RALYL: variants seen among roughly 807,000 people sequenced by gnomAD.
The protein encoded by RALYL is RALY RNA binding protein like.
A neutral mutation model predicts 35.1 loss-of-function variants in RALYL; 29 were observed. The observed-to-expected ratio is 0.83, with a 90% confidence interval of 0.61 to 1.13. The LOEUF (loss-of-function observed/expected upper bound fraction) is 1.13. Ranked by LOEUF, RALYL falls within the 50% of genes most tolerant of loss-of-function variation. RALYL has a pLI of 0.00. For missense variants in RALYL, 359 were observed against 360.4 expected, an observed-to-expected ratio of 1.00 and a Z score of 0.03; for synonymous variants, 120 against 127.6, an observed-to-expected ratio of 0.94 and a Z score of 0.40.
intron 1 of RALYL, among the ~76,000 whole-genome samples, chr8:84,295,191 G>A (rs1338943311): frequency 6.6e-6 from 1 of 152,144 alleles, no homozygotes; most frequent in African/African-American, 2.4e-5. Context: ...TTTAAGGCAA[G>A]TCTTTCAAAC....
chr8:84,781,780 G>C (rs528338943), intron 3 of RALYL, among the ~76,000 whole-genome samples: 1 of 152,272 alleles, frequency 6.6e-6, no homozygotes, highest in Non-Finnish European at 1.5e-5. Flanking sequence ...CAGTCACAAA[G>C]TATTACATGA....
chr8:84,876,342 A>G (rs1309538314), intron 7 of RALYL, among the ~76,000 whole-genome samples: 23 of 152,120 alleles, frequency 1.5e-4, no homozygotes, highest in Non-Finnish European at 5.9e-5. Context: ...TGCATGTATT[A>G]TTTTTTCCAT....
intron 8 of RALYL, among the ~76,000 whole-genome samples, chr8:84,909,733 A>G (rs1336663042): frequency 6.6e-6 from 1 of 152,114 alleles, no homozygotes; most frequent in Non-Finnish European, 1.5e-5. Context: ...CACTTCCCTC[A>G]TGGTGCTGGT....
chr8:84,916,678 AGT>A (rs1848533772), intron 8 of RALYL, among the ~76,000 whole-genome samples: 1 of 152,074 alleles, frequency 6.6e-6, no homozygotes, highest in African/African-American at 2.4e-5. Context: ...TAAATTACCC[AGT>A]CTCAGGTATG....
intron 6 of RALYL, among the ~76,000 whole-genome samples, chr8:84,869,657 CA>C (rs1839833683): frequency 6.6e-6 from 1 of 152,092 alleles, no homozygotes; most frequent in Non-Finnish European, 1.5e-5. Flanking sequence ...CAAGTCATAA[CA>C]AGGAAAAATG....
At chr8:84,627,305 T>C (rs925946820) in intron 2 of RALYL, among the ~76,000 whole-genome samples, 2 of 147,380 alleles carry the variant, frequency 1.4e-5, no homozygotes, top group African/African-American at 2.5e-5. Flanking sequence ...TCCAGTTCTT[T>C]GTTCAGAATC....
intron 1 of RALYL, among the ~76,000 whole-genome samples, chr8:84,460,502 C>A (rs377437468): frequency 5.3e-5 from 8 of 151,650 alleles, no homozygotes; most frequent in African/African-American, 1.9e-4. Flanking sequence ...TGCAAAAACT[C>A]TTTATGGATG....
At chr8:84,562,982 G>A (rs902012110) in intron 2 of RALYL, among the ~76,000 whole-genome samples, 13 of 151,842 alleles carry the variant, frequency 8.6e-5, no homozygotes, top group Admixed American at 8.5e-4. Context: ...AGCTTTCCTT[G>A]CAGAGAAATG....
chr8:84,489,917 C>T (rs1370946330), intron 1 of RALYL, among the ~76,000 whole-genome samples: 4 of 151,690 alleles, frequency 2.6e-5, no homozygotes, highest in African/African-American at 9.7e-5. Context: ...AGAAACAGGC[C>T]GAATTAGGGA....
At chr8:84,907,682 G>A (rs1333834193) in intron 8 of RALYL, among the ~76,000 whole-genome samples, 2 of 151,750 alleles carry the variant, frequency 1.3e-5, no homozygotes, top group Non-Finnish European at 2.9e-5. Context: ...TACCCTTTTG[G>A]TTTGTGCCAA....
At chr8:84,397,689 G>A (rs2042483287) in intron 1 of RALYL, among the ~76,000 whole-genome samples, 1 of 152,130 alleles carries the variant, frequency 6.6e-6, no homozygotes, top group South Asian at 2.1e-4. Flanking sequence ...TAAGACATTT[G>A]AACATGAAAA....
chr8:84,850,303 ATAT>A (rs1456178996), intron 5 of RALYL, among the ~76,000 whole-genome samples: 3 of 152,320 alleles, frequency 2.0e-5, no homozygotes, highest in Admixed American at 6.5e-5. Flanking sequence ...TAATTAACTA[ATAT>A]TATCTGCCAA....
chr8:84,410,031 A>G (rs2043947839), intron 1 of RALYL, among the ~76,000 whole-genome samples: 1 of 151,954 alleles, frequency 6.6e-6, no homozygotes, highest in African/African-American at 2.4e-5. Flanking sequence ...TAATGAGCTG[A>G]AACACAACTT....
intron 3 of RALYL, among the ~76,000 whole-genome samples, chr8:84,802,885 G>T (rs766352702): frequency 6.6e-6 from 1 of 152,114 alleles, no homozygotes; most frequent in Admixed American, 6.6e-5. Flanking sequence ...TGAAAACCAG[G>T]CTGGGAATGG....
rs73306365 is a variant in RALYL at position 84,450,357 on chromosome 8, G to A, written c.-23-78942G>A. 6.0e-3 allele frequency among the ~76,000 whole-genome samples: 912 copies of A among 151,918 alleles called. 7 individuals are homozygous for A. The highest frequency in any genetic ancestry group is 0.041 in the East Asian group (210 of 5,120). ...ACTGGGAGTAATAATATGGGCTGAT[G>A]CACTCAATATAGCAGTAATGCCCTC... is the stretch of plus-strand genomic sequence containing the variant. On this transcript the variant is annotated intron_variant, in intron 1 of 8. Transcript: ENST00000521268.
intron 1 of RALYL, among the ~76,000 whole-genome samples, chr8:84,304,345 C>T (rs150175055): frequency 0.014 from 2,177 of 152,258 alleles, 23 homozygotes; most frequent in Admixed American, 0.026. Flanking sequence ...TCTCGATCTC[C>T]TGACCTCGTG....
chr8:84,368,871 C>G (rs1855101447), intron 1 of RALYL, among the ~76,000 whole-genome samples: 1 of 152,142 alleles, frequency 6.6e-6, no homozygotes, highest in Admixed American at 6.6e-5. Context: ...CAGTTATACA[C>G]TGAAATAAAC....
At chr8:84,486,861 G>A (rs2054684739) in intron 1 of RALYL, among the ~76,000 whole-genome samples, 6 of 152,070 alleles carry the variant, frequency 3.9e-5, no homozygotes, top group Admixed American at 3.9e-4. Context: ...TAAAAAATTT[G>A]TAAGTGTACT....
chr8:84,392,843 T>C (rs1861008392), intron 1 of RALYL, among the ~76,000 whole-genome samples: 1 of 152,038 alleles, frequency 6.6e-6, no homozygotes, highest in South Asian at 2.1e-4. Flanking sequence ...TTTATCCTGA[T>C]AAAACAGATA....
Sources: gnomAD v4.1 joint callset for allele counts (sites outside exome capture counted in the v4.1 genomes callset) on GRCh38, gnomAD v4.1.1 for gene constraint, MANE v1.5 for transcripts, NCBI Gene and HGNC (gene_info 2026-07-23, HGNC 2026-07-21) for gene names.